The following ABCA4 variants were observed in gnomAD, a reference collection of about 807,000 sequenced individuals.
The protein encoded by ABCA4 is retinal-specific phospholipid-transporting ATPase ABCA4.
ABCA4 carries 196 observed loss-of-function variants against 263.7 expected under a neutral mutation model. The ratio of observed to expected loss-of-function variants is 0.74; its 90% CI spans 0.66 to 0.84. The LOEUF (loss-of-function observed/expected upper bound fraction) is 0.84, where lower values mean the gene tolerates loss of function less well. Among genes scored for constraint, ABCA4 ranks in the 40% least tolerant of loss-of-function variants. The pLI, the probability that ABCA4 is intolerant of heterozygous loss-of-function variation, is 0.00. For missense variants in ABCA4, 2,792 were observed against 2,855.1 expected (o/e 0.98, Z 0.50); for synonymous variants, 1,133 against 1,094.2 (o/e 1.04, Z -0.70).
At chr1:94,008,347 A>G (rs757357123) in intron 41 of ABCA4, 50 bp from the exon 42 acceptor site, 7 of 1,572,908 alleles carry the variant, frequency 4.5e-6, no homozygotes, top group Non-Finnish European at 6.1e-6. Context: ...GGTGAGAGCA[A>G]GGAGGGGAAG....
At chr1:94,120,690 G>C (rs1206587931) in intron 1 of ABCA4, among the ~76,000 whole-genome samples, 1 of 151,542 alleles carries the variant, frequency 6.6e-6, no homozygotes, top group Admixed American at 6.6e-5. Context: ...GGTGTAAAAC[G>C]GGGGGTGGGG....
At chr1:94,077,997 G>A (rs74104506) in intron 10 of ABCA4, 110 bp from the exon 11 acceptor site, 1 of 1,054,678 alleles carries the variant, frequency 9.5e-7, no homozygotes, top group Admixed American at 1.9e-5. Flanking sequence ...AGATGCTAAG[G>A]CTCCCTGAAG....
intron 4 of ABCA4, 140 bp downstream of exon 4, chr1:94,108,437 A>T: frequency 8.5e-7 from 1 of 1,174,676 alleles, no homozygotes; most frequent in Non-Finnish European, 1.2e-6. Context: ...CACCAAGGTG[A>T]TGTTCAAGCC....
rs982990300 is a variant in ABCA4, at chr1:94,008,227, G to A, written c.5898+8C>T. The A allele has an allele frequency of 6.2e-7, 1 of 1,614,078 alleles. No individual in the cohort carries two copies. Among genetic ancestry groups the A allele is most frequent in the Middle Eastern group, 1.6e-4 (1 of 6,062 alleles). On this transcript the variant is annotated splice_region_variant and intron_variant, in intron 42 of 49. Coordinates refer to ENST00000370225, the MANE Select transcript of ABCA4 (RefSeq NM_000350.3). ...AAGCCTTTCACACGTGGTCTGCAGA[G>A]TACCCACCTCTCCAGGGCGAACTCC...
chr1:94,036,595 T>C, intron 26 of ABCA4, 145 bp downstream of exon 26: 2 of 848,970 alleles, frequency 2.4e-6, no homozygotes, highest in Non-Finnish European at 2.0e-6. Context: ...CAGGCTGGTC[T>C]CGAACTCAGG....
At chr1:94,008,185 C>G in intron 42 of ABCA4, 50 bp downstream of exon 42, 1 of 1,560,648 alleles carries the variant, frequency 6.4e-7, no homozygotes, top group Non-Finnish European at 8.8e-7. Flanking sequence ...GAGGCAGGCA[C>G]AAGAGCTGAT....
At chr1:94,083,544 TC>T (rs1661758963) in intron 6 of ABCA4, 103 bp from the exon 7 acceptor site, 2 of 799,060 alleles carry the variant, frequency 2.5e-6, no homozygotes, top group Non-Finnish European at 4.1e-6. Flanking sequence ...ACTCCCCCCC[TC>T]CTTCTTTCTG....
intron 43 of ABCA4, among the ~76,000 whole-genome samples, chr1:94,005,885 C>T (rs531112490): frequency 2.0e-5 from 3 of 152,248 alleles, no homozygotes; most frequent in East Asian, 3.9e-4. Flanking sequence ...GAGGGAAGAT[C>T]AGGTTTAAGA....
chr1:94,007,866 G>A (rs940312393), intron 42 of ABCA4, 126 bp from the exon 43 acceptor site: 15 of 834,478 alleles, frequency 1.8e-5, no homozygotes, highest in African/African-American at 6.7e-5. Context: ...CAGAGGCCAC[G>A]AGCCATATGT....
At chr1:94,008,623 G>T in intron 41 of ABCA4, 128 bp downstream of exon 41, 1 of 1,260,410 alleles carries the variant, frequency 7.9e-7, no homozygotes, top group Non-Finnish European at 1.2e-6. Flanking sequence ...CAGGGATGAT[G>T]ACCCTACATA....
intron 44 of ABCA4, among the ~76,000 whole-genome samples, chr1:94,002,305 A>G (rs1283425690): frequency 6.6e-6 from 1 of 152,238 alleles, no homozygotes; most frequent in East Asian, 1.9e-4. Flanking sequence ...GACCATGGCT[A>G]GCAGTGGAGG....
At chr1:94,089,905 T>A (rs1464193589) in intron 6 of ABCA4, among the ~76,000 whole-genome samples, 1 of 152,206 alleles carries the variant, frequency 6.6e-6, no homozygotes, top group Non-Finnish European at 1.5e-5. Context: ...AGTAAGATAA[T>A]TATTCACCCA....
intron 8 of ABCA4, 63 bp from the exon 9 acceptor site, chr1:94,079,524 A>G: frequency 6.2e-7 from 1 of 1,608,514 alleles, no homozygotes; most frequent in African/African-American, 1.3e-5. Flanking sequence ...CAATATAGTC[A>G]TTAGTGTATC....
At chr1:94,032,843 G>T (rs1047739093) in intron 26 of ABCA4, among the ~76,000 whole-genome samples, 1 of 152,220 alleles carries the variant, frequency 6.6e-6, no homozygotes, top group African/African-American at 2.4e-5. Flanking sequence ...GGGAGGCAGA[G>T]TTGGGTAGAA....
intron 1 of ABCA4, among the ~76,000 whole-genome samples, chr1:94,116,968 C>CTCTCTCTTTCTT (rs1662786939): frequency 5.0e-5 from 5 of 99,940 alleles, no homozygotes; most frequent in African/African-American, 1.2e-4. Context: ...TTCTTTCTTT[C>CTCTCTCTTTCTT]TCTTTCTTTC....
intron 44 of ABCA4, among the ~76,000 whole-genome samples, chr1:94,004,888 T>C (rs1406595990): frequency 6.6e-6 from 1 of 152,246 alleles, no homozygotes; most frequent in African/African-American, 2.4e-5. Flanking sequence ...TTTTCCTTCT[T>C]TCTTACATAC....
chr1:94,017,926 A>G (rs922204880), intron 36 of ABCA4, among the ~76,000 whole-genome samples: 6 of 152,264 alleles, frequency 3.9e-5, no homozygotes, highest in Non-Finnish European at 8.8e-5. Flanking sequence ...AGTGAATTAC[A>G]TAAGCAATAA....
In ABCA4 at chr1:94,113,016, C is replaced by T. The variant is rs1419999740; in HGVS notation, c.117G>A (p.Leu39=). The change falls in exon 2 of 50, where the codon TTG becomes TTA. Residue 39 remains leucine, a synonymous_variant. Transcript: ENST00000370225. ...LVWPLSLFLV[L]IWLRNANPLY... ...GTGGGTTGGCATTCCTTAACCAGAT[C>T]AAGACCAGAAATAAAGATAAAGGCC... The T allele has an allele frequency of 6.2e-7, 1 of 1,614,032 alleles. No homozygotes were observed. The highest frequency in any genetic ancestry group is 8.5e-7 in the Non-Finnish European group (1 of 1,179,990).
intron 1 of ABCA4, among the ~76,000 whole-genome samples, chr1:94,114,057 T>C (rs895875242): frequency 6.6e-6 from 1 of 152,172 alleles, no homozygotes; most frequent in Non-Finnish European, 1.5e-5. Flanking sequence ...CTGAAGGAGA[T>C]CTGAAGCAGC....
Sources: allele counts gnomAD v4.1 joint callset (sites outside exome capture counted in the v4.1 genomes callset), GRCh38; gene constraint gnomAD v4.1.1; transcripts MANE v1.5; gene names NCBI Gene and HGNC (gene_info 2026-07-23, HGNC 2026-07-21).